LOC128092253: variants seen among roughly 807,000 people sequenced by gnomAD.
chr6:133,975,268 G>A, the LOC128092253 span, among the ~76,000 whole-genome samples: 1 of 151,984 alleles, frequency 6.6e-6, no homozygotes, highest in South Asian at 2.1e-4. Context: ...AGATTATTAA[G>A]ACAACCATGA....
At chr6:133,969,909 T>A in the LOC128092253 span, among the ~76,000 whole-genome samples, 1 of 152,250 alleles carries the variant, frequency 6.6e-6, no homozygotes, top group Non-Finnish European at 1.5e-5. Flanking sequence ...TACATTTGTC[T>A]AGAATGTATC....
At chr6:133,964,537 G>A in the LOC128092253 span, among the ~76,000 whole-genome samples, 4 of 150,112 alleles carry the variant, frequency 2.7e-5, no homozygotes, top group Non-Finnish European at 4.4e-5. Context: ...TGCAAGCTCC[G>A]TCTCCCGGGT....
chr6:133,977,262 C>G, the LOC128092253 span, among the ~76,000 whole-genome samples: 2 of 152,052 alleles, frequency 1.3e-5, no homozygotes, highest in African/African-American at 4.8e-5. Flanking sequence ...TTTTCTGAGC[C>G]TGCTTTTCAG....
chr6:133,965,510 C>A, the LOC128092253 span, among the ~76,000 whole-genome samples: 2 of 152,054 alleles, frequency 1.3e-5, no homozygotes, highest in African/African-American at 4.8e-5. Flanking sequence ...CATTTGCCAC[C>A]TTCCCTGTCC....
the LOC128092253 span, among the ~76,000 whole-genome samples, chr6:133,959,125 G>A: frequency 2.1e-3 from 320 of 151,882 alleles, 2 homozygotes; most frequent in African/African-American, 7.2e-3. Flanking sequence ...TTGCAACTTC[G>A]GCTTCCCAGG....
chr6:133,959,790 GTTCT>G, the LOC128092253 span, among the ~76,000 whole-genome samples: 28 of 152,280 alleles, frequency 1.8e-4, no homozygotes, highest in East Asian at 4.5e-3. Flanking sequence ...GCCACCTAGT[GTTCT>G]TTCTATCACA....
chr6:133,968,657 A>G, the LOC128092253 span, among the ~76,000 whole-genome samples: 1 of 151,966 alleles, frequency 6.6e-6, no homozygotes, highest in African/African-American at 2.4e-5. Context: ...CTACTGTCTT[A>G]GCATCCAAGT....
chr6:133,969,688 C>G, the LOC128092253 span, among the ~76,000 whole-genome samples: 5 of 152,102 alleles, frequency 3.3e-5, no homozygotes, highest in Non-Finnish European at 7.4e-5. Flanking sequence ...TGGACTGACT[C>G]CTAAAATGTC....
At chr6:133,978,379 A>G in the LOC128092253 span, among the ~76,000 whole-genome samples, 1 of 152,246 alleles carries the variant, frequency 6.6e-6, no homozygotes, top group South Asian at 2.1e-4. Flanking sequence ...CCATGTTACA[A>G]TATGAGAACA....
the LOC128092253 span, among the ~76,000 whole-genome samples, chr6:133,977,295 G>T: frequency 6.6e-6 from 1 of 152,104 alleles, no homozygotes; most frequent in African/African-American, 2.4e-5. Flanking sequence ...ATAAAAATAT[G>T]AATACTTAGT....
chr6:133,956,421 A>G, the LOC128092253 span, among the ~76,000 whole-genome samples: 7 of 151,814 alleles, frequency 4.6e-5, no homozygotes, highest in African/African-American at 1.7e-4. Context: ...GAGAAATGAC[A>G]TGTGTGTAAT....
At chr6:133,980,004 T>C in the LOC128092253 span, 1 of 1,088,192 alleles carries the variant, frequency 9.2e-7, no homozygotes, top group Non-Finnish European at 1.2e-6. Flanking sequence ...ATTCATTTTT[T>C]ACATTTCAAT....
the LOC128092253 span, among the ~76,000 whole-genome samples, chr6:133,965,383 A>G: frequency 6.6e-6 from 1 of 152,198 alleles, no homozygotes; most frequent in Non-Finnish European, 1.5e-5. Context: ...ACAATTTAAT[A>G]TCCAAACCCA....
At chr6:133,963,616 C>T in the LOC128092253 span, among the ~76,000 whole-genome samples, 1 of 152,082 alleles carries the variant, frequency 6.6e-6, no homozygotes, top group Admixed American at 6.5e-5. Flanking sequence ...GAGACAGAGT[C>T]TCACCATGTT....
At chr6:133,960,418 CTTT>C in the LOC128092253 span, among the ~76,000 whole-genome samples, 1 of 131,588 alleles carries the variant, frequency 7.6e-6, no homozygotes, top group Non-Finnish European at 1.6e-5. Flanking sequence ...GCTGACCAGC[CTTT>C]TTTTTTTTTT....
the LOC128092253 span, among the ~76,000 whole-genome samples, chr6:133,959,259 C>T: frequency 3.3e-5 from 5 of 152,092 alleles, no homozygotes; most frequent in African/African-American, 4.8e-5. Flanking sequence ...AGGCTAGCCT[C>T]GAACTTCTGA....
the LOC128092253 span, among the ~76,000 whole-genome samples, chr6:133,956,821 C>A: frequency 6.6e-6 from 1 of 152,286 alleles, no homozygotes; most frequent in East Asian, 1.9e-4. Flanking sequence ...TGGTGGACTG[C>A]CTTCACTTGA....
chr6:133,957,062 A>G, the LOC128092253 span, among the ~76,000 whole-genome samples: 1 of 152,256 alleles, frequency 6.6e-6, no homozygotes, highest in Admixed American at 6.5e-5. Context: ...ATCAGGTCAC[A>G]TCAGAAATTC....
chr6:133,957,998 G>A, the LOC128092253 span, among the ~76,000 whole-genome samples: 2 of 152,266 alleles, frequency 1.3e-5, no homozygotes, highest in African/African-American at 4.8e-5. Flanking sequence ...CTGACTATTG[G>A]ACTCATCTCT....
Sources: allele counts gnomAD v4.1 joint callset (sites outside exome capture counted in the v4.1 genomes callset), GRCh38; gene constraint gnomAD v4.1.1; transcripts MANE v1.5.